FANCC: variants seen among roughly 807,000 people sequenced by gnomAD.
The protein encoded by FANCC is Fanconi anemia group C protein.
Under a neutral mutation model 71.3 loss-of-function variants are expected in FANCC, and 55 were observed. That is an observed-to-expected ratio of 0.77 (90% CI 0.62 to 0.97). The LOEUF (loss-of-function observed/expected upper bound fraction) is 0.97, where lower values mean the gene tolerates loss of function less well. FANCC is among the 50% of genes least tolerant of loss of function. The pLI is 0.00. For synonymous variants in FANCC, 275 were observed against 244.9 expected, an observed-to-expected ratio of 1.12 and a Z score of -1.15; for missense variants, 678 against 670.9, an observed-to-expected ratio of 1.01 and a Z score of -0.12.
chr9:95,126,524 T>G lies in FANCC; in HGVS notation c.896+5A>C. On this transcript the variant is annotated splice_donor_5th_base_variant and intron_variant, in intron 9 of 14. Transcript: ENST00000289081. ...AATTACTAGAAGAAACAGTGTAACG[T>G]TTACCTGAACATCTCATCAACAACC... 1.9e-6 allele frequency: 3 copies of G among 1,613,670 alleles called. No individual in the cohort carries two copies. The highest frequency in any genetic ancestry group is 2.5e-6 in the Non-Finnish European group (3 of 1,179,652).
intron 6 of FANCC, among the ~76,000 whole-genome samples, chr9:95,160,787 G>A (rs1830699740): frequency 6.6e-6 from 1 of 152,052 alleles, no homozygotes; most frequent in African/African-American, 2.4e-5. Context: ...TCTCTTTGTA[G>A]CAATTGTGAG....
intron 1 of FANCC, among the ~76,000 whole-genome samples, chr9:95,275,050 T>C (rs1443375974): frequency 1.3e-5 from 2 of 151,276 alleles, no homozygotes; most frequent in Non-Finnish European, 2.9e-5. Context: ...GGCAGGAGGA[T>C]TGCTTGAACC....
chr9:95,159,157 T>C (rs1401397693), intron 6 of FANCC, among the ~76,000 whole-genome samples: 2 of 152,162 alleles, frequency 1.3e-5, no homozygotes, highest in East Asian at 3.9e-4. Flanking sequence ...ACATTGGGTA[T>C]TTCTCCTAAT....
chr9:95,307,676 G>T (rs1835144850), intron 1 of FANCC, among the ~76,000 whole-genome samples: 1 of 152,190 alleles, frequency 6.6e-6, no homozygotes, highest in Admixed American at 6.5e-5. Context: ...AATTAGACAG[G>T]CTTGTGGTGA....
intron 4 of FANCC, among the ~76,000 whole-genome samples, chr9:95,212,036 T>C (rs543596676): frequency 6.6e-6 from 1 of 152,060 alleles, no homozygotes; most frequent in Non-Finnish European, 1.5e-5. Flanking sequence ...TTTAGAAACT[T>C]AAAGACATAG....
chr9:95,234,782 G>A (rs1830203076), intron 4 of FANCC, among the ~76,000 whole-genome samples: 1 of 152,178 alleles, frequency 6.6e-6, no homozygotes, highest in African/African-American at 2.4e-5. Context: ...GAGAGTCACC[G>A]GTATAGTTTC....
intron 4 of FANCC, among the ~76,000 whole-genome samples, chr9:95,206,229 C>G (rs1006031369): frequency 2.6e-5 from 4 of 152,098 alleles, no homozygotes; most frequent in African/African-American, 9.7e-5. Context: ...TATACTTTTT[C>G]AAATTAAAAA....
At chr9:95,293,505 G>C in intron 1 of FANCC, 1 of 1,589,094 alleles carries the variant, frequency 6.3e-7, no homozygotes, top group South Asian at 1.2e-5. Flanking sequence ...AGTGAACTTG[G>C]GTAAAAGTCC....
chr9:95,106,772 T>C (rs2071480619), intron 14 of FANCC, among the ~76,000 whole-genome samples: 1 of 152,182 alleles, frequency 6.6e-6, no homozygotes, highest in African/African-American at 2.4e-5. Flanking sequence ...TGGAAAGAAA[T>C]GTACGTAGGG....
chr9:95,284,871 C>CAT (rs1285841032), intron 1 of FANCC, among the ~76,000 whole-genome samples: 1 of 104,806 alleles, frequency 9.5e-6, no homozygotes, highest in East Asian at 4.5e-4. Flanking sequence ...CACACACACA[C>CAT]ACACATACAC....
intron 1 of FANCC, among the ~76,000 whole-genome samples, chr9:95,251,810 C>G (rs1051234050): frequency 1.3e-5 from 2 of 152,124 alleles, no homozygotes; most frequent in African/African-American, 4.8e-5. Context: ...TACAGCAACA[C>G]TATGAAATGG....
chr9:95,211,328 G>A (rs999967732), intron 4 of FANCC, among the ~76,000 whole-genome samples: 3 of 152,192 alleles, frequency 2.0e-5, no homozygotes, highest in African/African-American at 4.8e-5. Flanking sequence ...AGAGCCAAGA[G>A]GAAACTAGAT....
chr9:95,152,695 A>T (rs1830245221), intron 6 of FANCC, among the ~76,000 whole-genome samples: 1 of 152,060 alleles, frequency 6.6e-6, no homozygotes, highest in African/African-American at 2.4e-5. Flanking sequence ...TACATGGATG[A>T]ATTGTATAGT....
At chr9:95,279,473 T>G (rs888184835) in intron 1 of FANCC, among the ~76,000 whole-genome samples, 24 of 149,336 alleles carry the variant, frequency 1.6e-4, no homozygotes, top group African/African-American at 5.7e-4. Flanking sequence ...GCCACTGCAC[T>G]CCAGCCTGGG....
chr9:95,307,197 T>C (rs1021954871), intron 1 of FANCC, among the ~76,000 whole-genome samples: 5 of 152,180 alleles, frequency 3.3e-5, no homozygotes, highest in African/African-American at 1.2e-4. Context: ...TTAAAATGCC[T>C]ATCTTACCTT....
intron 1 of FANCC, among the ~76,000 whole-genome samples, chr9:95,266,794 T>A (rs1270440827): frequency 2.0e-5 from 3 of 152,182 alleles, no homozygotes; most frequent in African/African-American, 7.2e-5. Flanking sequence ...CTATATGCTA[T>A]GGGTCACTGA....
intron 10 of FANCC, among the ~76,000 whole-genome samples, chr9:95,118,538 C>T (rs140843082): frequency 9.2e-5 from 14 of 152,322 alleles, no homozygotes; most frequent in South Asian, 2.1e-4. Flanking sequence ...ATTTCTATCA[C>T]GCCAAAAAGT....
At chr9:95,162,103 A>G in intron 6 of FANCC, among the ~76,000 whole-genome samples, 1 of 152,142 alleles carries the variant, frequency 6.6e-6, no homozygotes, top group Non-Finnish European at 1.5e-5. Context: ...TGGCCTCCCA[A>G]TGTGCTGGGA....
intron 4 of FANCC, among the ~76,000 whole-genome samples, chr9:95,204,897 A>T (rs1828023319): frequency 6.6e-6 from 1 of 152,182 alleles, no homozygotes; most frequent in Non-Finnish European, 1.5e-5. Flanking sequence ...CGTACCATAG[A>T]ACAAAGGGAG....
Sources: allele counts gnomAD v4.1 joint callset (sites outside exome capture counted in the v4.1 genomes callset), GRCh38; gene constraint gnomAD v4.1.1; transcripts MANE v1.5; gene names NCBI Gene and HGNC (gene_info 2026-07-23, HGNC 2026-07-21).